The following PDS5A variants were observed in gnomAD, a reference collection of about 807,000 sequenced individuals.
PDS5A encodes the protein sister chromatid cohesion protein PDS5 homolog A.
Under a neutral mutation model 167.1 loss-of-function variants are expected in PDS5A, and 42 were observed. The observed-to-expected ratio is 0.25, with a 90% CI of 0.20 to 0.33. PDS5A has a LOEUF of 0.33. Ranked by LOEUF, PDS5A falls within the 10% of genes least tolerant of loss-of-function variation. The pLI is 1.00. For synonymous variants in PDS5A, 553 were observed against 554.6 expected (o/e 1.00, Z 0.04); for missense variants, 1,033 against 1,605.9 (o/e 0.64, Z 6.10).
In PDS5A at chr4:39,869,473, T is replaced by C; in HGVS notation, c.2437-11A>G. 6.5e-7 allele frequency: 1 copy of C among 1,546,170 alleles called. No homozygotes were observed. Among genetic ancestry groups the C allele is most frequent in the Non-Finnish European group, 8.9e-7 (1 of 1,123,494 alleles). On this transcript the variant is annotated splice_polypyrimidine_tract_variant and intron_variant, in intron 21 of 32. Transcript: ENST00000303538. ...CTTTTCACCTGTTGACTATAGACAA[T>C]TGAATAAATTTAGCTATTAGCATGA...
At chr4:39,921,178 G>A (rs969834617) in intron 6 of PDS5A, among the ~76,000 whole-genome samples, 2 of 152,078 alleles carry the variant, frequency 1.3e-5, no homozygotes, top group African/African-American at 4.8e-5. Flanking sequence ...TAGGTTTTGT[G>A]GGTCATACAA....
At chr4:39,955,614 C>A (rs377346266) in intron 2 of PDS5A, among the ~76,000 whole-genome samples, 1 of 151,582 alleles carries the variant, frequency 6.6e-6, no homozygotes, top group South Asian at 2.1e-4. Context: ...AAAACAACAA[C>A]AAAACAAACA....
chr4:39,938,777 C>T (rs957826567), intron 2 of PDS5A, among the ~76,000 whole-genome samples: 5 of 151,804 alleles, frequency 3.3e-5, no homozygotes, highest in Admixed American at 3.3e-4. Flanking sequence ...CAAGACCATC[C>T]TGGCCAACAT....
chr4:39,882,443 T>G (rs11947282), intron 17 of PDS5A, among the ~76,000 whole-genome samples: 5,280 of 152,328 alleles, frequency 0.035, 287 homozygotes, highest in African/African-American at 0.12. Flanking sequence ...GACTTTGTAT[T>G]TTAAAGATTC....
chr4:39,877,864 G>T (rs189256488), intron 18 of PDS5A, among the ~76,000 whole-genome samples: 5 of 151,856 alleles, frequency 3.3e-5, no homozygotes, highest in Non-Finnish European at 7.4e-5. Flanking sequence ...GTCTTGGCTG[G>T]GATTACAGGC....
intron 32 of PDS5A, among the ~76,000 whole-genome samples, chr4:39,831,856 A>G (rs949305377): frequency 1.4e-5 from 2 of 138,714 alleles, no homozygotes; most frequent in East Asian, 2.2e-4. Flanking sequence ...AGCCTAGGCA[A>G]CAAGAGCGAA....
At chr4:39,832,142 A>G (rs1271428780) in intron 32 of PDS5A, among the ~76,000 whole-genome samples, 4 of 151,980 alleles carry the variant, frequency 2.6e-5, no homozygotes, top group East Asian at 1.9e-4. Flanking sequence ...ACAAAAACCC[A>G]AAAACAAGAA....
chr4:39,823,022 CTACTT>C lies in PDS5A; in HGVS notation c.*2458_*2462del, dbSNP rs1293163766. 2 of 152,512 alleles carry C rather than the reference CTACTT, an allele frequency of 1.3e-5. No individual in the cohort carries two copies. The highest frequency in any genetic ancestry group is 4.8e-5 in the African/African-American group (2 of 41,410). The allele number at this position is 152,512 out of a possible 1,614,324, so 9.4% of individuals were successfully genotyped here. ...ATGTGCAGCACAAGAATATGCAAAACTACTTTACATTATACACACTTTTTATCAAA... is the reference window on the plus strand; with the variant it reads ...ATGTGCAGCACAAGAATATGCAAAACTACATTATACACACTTTTTATCAAA... On this transcript the variant is annotated 3_prime_UTR_variant, in exon 33 of 33. Transcript: ENST00000303538.
At chr4:39,897,914 T>G in intron 16 of PDS5A, 1 of 431,038 alleles carries the variant, frequency 2.3e-6, no homozygotes, top group Non-Finnish European at 3.1e-6. Flanking sequence ...TTTTCCCTCC[T>G]GATAGCTTTA....
At chr4:39,906,949 A>C (rs1723430984) in intron 11 of PDS5A, among the ~76,000 whole-genome samples, 1 of 150,452 alleles carries the variant, frequency 6.6e-6, no homozygotes, top group South Asian at 2.1e-4. Flanking sequence ...AAAAACAAGC[A>C]ATAAAATCTT....
chr4:39,963,919 T>A (rs12504275), intron 2 of PDS5A, among the ~76,000 whole-genome samples: 3 of 151,432 alleles, frequency 2.0e-5, no homozygotes, highest in African/African-American at 7.3e-5. Flanking sequence ...AGCTTTTTTT[T>A]CCCCCCCAGA....
intron 17 of PDS5A, among the ~76,000 whole-genome samples, chr4:39,884,295 T>C (rs987805709): frequency 6.6e-6 from 1 of 152,204 alleles, no homozygotes; most frequent in African/African-American, 2.4e-5. Context: ...TCAATTTATC[T>C]CCTAAGCAGG....
At chr4:39,847,952 T>G (rs1717778509) in intron 28 of PDS5A, 1 of 152,256 alleles carries the variant, frequency 6.6e-6, no homozygotes, top group Non-Finnish European at 1.5e-5. Context: ...CTGCCTCCTG[T>G]CGGATCAGCG....
chr4:39,941,306 T>C (rs1369820095), intron 2 of PDS5A, among the ~76,000 whole-genome samples: 1 of 152,190 alleles, frequency 6.6e-6, no homozygotes, highest in Admixed American at 6.6e-5. Flanking sequence ...AAACTTTACA[T>C]GTATACCAAT....
At chr4:39,922,577 G>C in intron 6 of PDS5A, 45 bp downstream of exon 6, 1 of 1,443,320 alleles carries the variant, frequency 6.9e-7, no homozygotes, top group Non-Finnish European at 9.2e-7. Context: ...TATGTGTGGC[G>C]TGACTGTTAA....
At chr4:39,845,228 TAA>T (rs1384287281) in intron 29 of PDS5A, among the ~76,000 whole-genome samples, 1 of 152,118 alleles carries the variant, frequency 6.6e-6, no homozygotes, top group East Asian at 1.9e-4. Flanking sequence ...GATCATTCTG[TAA>T]AATTGTGTTT....
intron 2 of PDS5A, among the ~76,000 whole-genome samples, chr4:39,945,532 T>C (rs561513216): frequency 1.3e-5 from 2 of 151,526 alleles, no homozygotes; most frequent in South Asian, 2.1e-4. Flanking sequence ...CTCTTACCTA[T>C]ATGTTACATA....
At chr4:39,952,390 A>T (rs1049978138) in intron 2 of PDS5A, among the ~76,000 whole-genome samples, 1 of 152,208 alleles carries the variant, frequency 6.6e-6, no homozygotes, top group African/African-American at 2.4e-5. Flanking sequence ...TAAGAAGGTG[A>T]TGTGGAAAAA....
intron 17 of PDS5A, among the ~76,000 whole-genome samples, chr4:39,883,223 C>G (rs2109599095): frequency 6.6e-6 from 1 of 152,062 alleles, no homozygotes; most frequent in Middle Eastern, 3.4e-3. Context: ...ACTTTTTGCC[C>G]AGGCTGGAGT....
Sources: allele counts gnomAD v4.1 joint callset (sites outside exome capture counted in the v4.1 genomes callset), GRCh38; gene constraint gnomAD v4.1.1; transcripts MANE v1.5; gene names NCBI Gene and HGNC (gene_info 2026-07-23, HGNC 2026-07-21).